RBFOX1: variants seen among roughly 807,000 people sequenced by gnomAD.
RBFOX1 encodes RNA binding protein fox-1 homolog 1.
A neutral mutation model predicts 57.7 loss-of-function variants in RBFOX1; 8 were observed. That is an observed-to-expected ratio of 0.14 (90% CI 0.08 to 0.25). The LOEUF is 0.25. Ranked by LOEUF, RBFOX1 falls within the 10% of genes least tolerant of loss-of-function variation. RBFOX1 has a pLI of 1.00. For synonymous variants in RBFOX1, 326 were observed against 222.4 expected, an observed-to-expected ratio of 1.47 and a Z score of -4.15; for missense variants, 611 against 548.5, an observed-to-expected ratio of 1.11 and a Z score of -1.14.
At chr16:5,353,490 T>C (rs867687390) in intron 1 of RBFOX1, among the ~76,000 whole-genome samples, 2 of 152,154 alleles carry the variant, frequency 1.3e-5, no homozygotes, top group African/African-American at 4.8e-5. Context: ...CCAGTTCAGA[T>C]ATTTGGTGGC....
chr16:5,953,480 C>A (rs187388864), intron 4 of RBFOX1, among the ~76,000 whole-genome samples: 1 of 151,926 alleles, frequency 6.6e-6, no homozygotes, highest in South Asian at 2.1e-4. Context: ...AGTCTTTTAT[C>A]CCTCACCTCC....
rs771720362 is a variant in RBFOX1, at chr16:5,882,843, G to A, written c.351+15508G>A. ...TTGGACTCTGGGTATATTTTTATAA[G>A]CCATGGAGAGTCTGCAAATGAAACA... On this transcript the variant is annotated intron_variant, in intron 4 of 19. Transcript: ENST00000641259. 2.2e-4 allele frequency among the ~76,000 whole-genome samples: 33 copies of A among 152,316 alleles called. 1 individual carries two copies. The South Asian group carries it at 2.3e-3, about 11-fold the overall frequency.
chr16:6,979,119 A>G (rs78520865), intron 3 of RBFOX1, among the ~76,000 whole-genome samples: 10,612 of 152,300 alleles, frequency 0.07, 435 homozygotes, highest in South Asian at 0.18. Context: ...GCTCAGATAA[A>G]ATTGTACCAA....
At chr16:6,441,081 T>A (rs959596754) in intron 2 of RBFOX1, among the ~76,000 whole-genome samples, 1 of 151,190 alleles carries the variant, frequency 6.6e-6, no homozygotes, top group Admixed American at 6.6e-5. Flanking sequence ...ATGACCAGAG[T>A]CATGGCGGAC....
intron 1 of RBFOX1, among the ~76,000 whole-genome samples, chr16:5,344,724 C>T (rs777621324): frequency 3.9e-5 from 6 of 152,102 alleles, no homozygotes; most frequent in Non-Finnish European, 8.8e-5. Flanking sequence ...ATATTTGATA[C>T]ATTTTTGGTT....
In RBFOX1 at chr16:7,579,826, C is replaced by T. The variant is rs201282652; in HGVS notation, c.320C>T (p.Ser107Phe). The T allele has an allele frequency of 2.3e-4, 364 of 1,614,084 alleles. No homozygotes were observed. The highest frequency in any genetic ancestry group is 3.2e-4 in the Admixed American group (19 of 60,004). Reference protein sequence around the residue: ...PTDGQPQTQPSENTENKSQPK... With the variant: ...PTDGQPQTQPFENTENKSQPK... ...GATGGCCAGCCCCAGACACAACCTT[C>T]TGAAAACACGGAAAACAAGTCTCAG... Residue 107 changes from serine to phenylalanine, a missense_variant, in exon 6 of 16, where the codon TCT (serine) becomes TTT (phenylalanine). By Grantham distance (155) the Ser-to-Phe change is radical. Transcript: ENST00000550418.
At chr16:5,495,178 A>G (rs1019236215) in intron 2 of RBFOX1, among the ~76,000 whole-genome samples, 4 of 152,210 alleles carry the variant, frequency 2.6e-5, no homozygotes, top group African/African-American at 7.2e-5. Flanking sequence ...TACACGGCAG[A>G]TCAGGAGATC....
At chr16:6,559,236 T>C (rs1394738932) in intron 2 of RBFOX1, among the ~76,000 whole-genome samples, 2 of 152,056 alleles carry the variant, frequency 1.3e-5, no homozygotes, top group Admixed American at 6.6e-5. Flanking sequence ...AGATAAGTTG[T>C]GCCTTATAAC....
intron 4 of RBFOX1, among the ~76,000 whole-genome samples, chr16:7,410,966 G>C (rs1337690235): frequency 6.6e-6 from 1 of 151,832 alleles, no homozygotes; most frequent in Non-Finnish European, 1.5e-5. Flanking sequence ...TATTTTTCGA[G>C]ACAGAGTCTC....
At chr16:5,267,880 G>C (rs529037375) in intron 1 of RBFOX1, among the ~76,000 whole-genome samples, 7 of 152,174 alleles carry the variant, frequency 4.6e-5, no homozygotes, top group African/African-American at 1.7e-4. Context: ...TCAGGAGTTT[G>C]AGCACAGCCT....
chr16:6,843,293 A>C (rs1315776122), intron 3 of RBFOX1, among the ~76,000 whole-genome samples: 2 of 152,114 alleles, frequency 1.3e-5, no homozygotes, highest in Admixed American at 1.3e-4. Context: ...TGTCACACAG[A>C]GTGGCCATGG....
At chr16:6,569,149 G>C (rs934138790) in intron 2 of RBFOX1, among the ~76,000 whole-genome samples, 1 of 152,114 alleles carries the variant, frequency 6.6e-6, no homozygotes, top group South Asian at 2.1e-4. Flanking sequence ...TGTAAACTGA[G>C]GATATTTTGA....
chr16:6,027,337 T>C (rs2095215512), intron 1 of RBFOX1, among the ~76,000 whole-genome samples: 1 of 152,142 alleles, frequency 6.6e-6, no homozygotes, highest in South Asian at 2.1e-4. Flanking sequence ...AGCAGTTCTC[T>C]TCCCCTGCTG....
At chr16:6,232,786 G>T (rs543488636) in intron 1 of RBFOX1, among the ~76,000 whole-genome samples, 1 of 152,218 alleles carries the variant, frequency 6.6e-6, no homozygotes, top group East Asian at 1.9e-4. Context: ...GCTCAGATTT[G>T]CTTCCACTTG....
intron 10 of RBFOX1, among the ~76,000 whole-genome samples, chr16:7,622,761 A>G (rs896418959): frequency 1.3e-5 from 2 of 152,222 alleles, no homozygotes; most frequent in Non-Finnish European, 2.9e-5. Flanking sequence ...GATTTGATTT[A>G]TAAGAAGTAA....
Position 7,579,811 on chromosome 16 carries a change from C to T in RBFOX1, c.305C>T (p.Pro102Leu), listed in dbSNP as rs765974335. The T allele has an allele frequency of 4.3e-6, 7 of 1,613,956 alleles. No individual in the cohort carries two copies. Among genetic ancestry groups the T allele is most frequent in the African/African-American group, 4.0e-5 (3 of 74,898 alleles). Residue 102 changes from proline (P) to leucine (L), a missense_variant, in exon 6 of 16, where the codon CCC (proline) becomes CTC (leucine). Physicochemically the swap from Pro to Leu is moderately conservative, Grantham distance 98 (BLOSUM62 -3). Around this residue, in one of 3 missense-constraint regions of RBFOX1, gnomAD observed 245 missense variants for 159.1 expected, o/e 1.54. Transcript: ENST00000550418. ...TDDAAPTDGQ[P>L]QTQPSENTEN... ...GACGCAGCACCGACGGATGGCCAGC[C>T]CCAGACACAACCTTCTGAAAACACG... is the stretch of plus-strand genomic sequence containing the variant.
Position 5,913,212 on chromosome 16 carries a change from A to G in RBFOX1, c.351+45877A>G, listed in dbSNP as rs1032792982. ...AGAAAGCCACACACGGGTGCATGAC[A>G]CCATCTTATTTATCCCACGGTTATT... On this transcript the variant is annotated intron_variant, in intron 4 of 19. Coordinates refer to the RBFOX1 transcript ENST00000641259. Among the ~76,000 whole-genome samples, 11 of 152,156 alleles carry G rather than the reference A, an allele frequency of 7.2e-5. 1 individual carries two copies. The highest frequency in any genetic ancestry group is 2.4e-4 in the African/African-American group (10 of 41,414).
chr16:6,694,952 G>A (rs1318297091), intron 3 of RBFOX1, among the ~76,000 whole-genome samples: 1 of 151,724 alleles, frequency 6.6e-6, no homozygotes, highest in African/African-American at 2.4e-5. Context: ...ATGTTGCATA[G>A]TTCAGTACCA....
chr16:6,497,708 C>T (rs1252981378), intron 2 of RBFOX1, among the ~76,000 whole-genome samples: 2 of 151,938 alleles, frequency 1.3e-5, no homozygotes, highest in Non-Finnish European at 2.9e-5. Flanking sequence ...AGGCAGATAC[C>T]ACCATGCCTG....
Sources: gnomAD v4.1 joint callset for allele counts (sites outside exome capture counted in the v4.1 genomes callset) on GRCh38, gnomAD v4.1.1 for gene constraint, gnomAD v4.1.1 regional missense constraint, MANE v1.5 for transcripts, NCBI Gene and HGNC (gene_info 2026-07-23, HGNC 2026-07-21) for gene names.